The following SOX6 variants were observed in gnomAD, a reference collection of about 807,000 sequenced individuals.
SOX6 encodes the protein SRY-box transcription factor 6.
In SOX6, 11 loss-of-function variants were observed where a neutral mutation model predicts 97.8. The observed-to-expected ratio is 0.11, with a 90% CI of 0.07 to 0.19. The LOEUF (loss-of-function observed/expected upper bound fraction) is 0.19. Ranked by LOEUF, SOX6 falls within the 10% of genes least tolerant of loss-of-function variation. The pLI is 1.00. For missense variants in SOX6, 810 were observed against 1,039.5 expected (o/e 0.78, Z 3.04); for synonymous variants, 360 against 371.4 (o/e 0.97, Z 0.35).
chr11:16,232,186 G>T (rs1169930465), intron 4 of SOX6, among the ~76,000 whole-genome samples: 2 of 151,838 alleles, frequency 1.3e-5, no homozygotes, highest in Non-Finnish European at 2.9e-5. Flanking sequence ...AGTAATTTAG[G>T]TGGATAATAA....
At chr11:16,669,913 C>T (rs982453335) in intron 3 of SOX6, among the ~76,000 whole-genome samples, 1 of 152,134 alleles carries the variant, frequency 6.6e-6, no homozygotes. Context: ...AACTGCTCTG[C>T]CACTACAGTT....
chr11:15,987,612 C>T (rs978421760), intron 14 of SOX6, among the ~76,000 whole-genome samples: 3 of 151,648 alleles, frequency 2.0e-5, no homozygotes, highest in African/African-American at 2.4e-5. Context: ...AAGGCTTACT[C>T]ATATTGCTAC....
intron 3 of SOX6, among the ~76,000 whole-genome samples, chr11:16,642,099 CT>C (rs1364245502): frequency 6.6e-6 from 1 of 152,098 alleles, no homozygotes; most frequent in African/African-American, 2.4e-5. Flanking sequence ...TAGGGCAGGC[CT>C]GGTGGTGACA....
chr11:16,417,572 G>C (rs1484992035), intron 1 of SOX6, among the ~76,000 whole-genome samples: 2 of 152,076 alleles, frequency 1.3e-5, no homozygotes, highest in African/African-American at 4.8e-5. Context: ...ATGCGGCAGT[G>C]GGAAGTAAGA....
intron 4 of SOX6, among the ~76,000 whole-genome samples, chr11:16,608,607 A>G (rs919336652): frequency 6.6e-6 from 1 of 152,278 alleles, no homozygotes; most frequent in South Asian, 2.1e-4. Context: ...TTGAAAAAAA[A>G]AAAAGAAAAA....
At chr11:16,024,660 C>T (rs1441090640) in intron 12 of SOX6, among the ~76,000 whole-genome samples, 1 of 151,872 alleles carries the variant, frequency 6.6e-6, no homozygotes, top group Non-Finnish European at 1.5e-5. Flanking sequence ...TCTAGGAATG[C>T]TGATATATGC....
At position 16,069,954 on chromosome 11, in the gene SOX6, C is replaced by A. The variant is rs145896206; in HGVS notation, c.1102-14053G>T. Among the ~76,000 whole-genome samples the A allele has an allele frequency of 2.0e-5, 3 of 151,972 alleles. No homozygotes were observed. The East Asian group carries it at 5.8e-4, about 29-fold the overall frequency. On this transcript the variant is annotated intron_variant, in intron 9 of 15. Coordinates refer to ENST00000683767, the MANE Select transcript of SOX6 (RefSeq NM_001367873.1). ...GGTGGATCATGAGGTCAGGAGATCG[C>A]GACCATCCTTGCTAACACGTGAAAC...
chr11:16,075,480 A>G (rs1205157934), intron 9 of SOX6, among the ~76,000 whole-genome samples: 1 of 152,232 alleles, frequency 6.6e-6, no homozygotes, highest in African/African-American at 2.4e-5. Flanking sequence ...GTAGCCATAA[A>G]AAAGGATGAG....
At chr11:16,267,329 G>A (rs1005817248) in intron 3 of SOX6, among the ~76,000 whole-genome samples, 1 of 151,342 alleles carries the variant, frequency 6.6e-6, no homozygotes. Context: ...ATATAAAGAA[G>A]TCAAACAACT....
At chr11:16,411,199 C>A (rs1034950377) in intron 1 of SOX6, among the ~76,000 whole-genome samples, 1 of 152,088 alleles carries the variant, frequency 6.6e-6, no homozygotes, top group Non-Finnish European at 1.5e-5. Context: ...GAAACTCCAC[C>A]TGTATAACTA....
At chr11:16,549,734 A>T (rs1847661452) in intron 4 of SOX6, among the ~76,000 whole-genome samples, 1 of 152,224 alleles carries the variant, frequency 6.6e-6, no homozygotes, top group Non-Finnish European at 1.5e-5. Flanking sequence ...ATTGTCACAC[A>T]TCCATATATT....
intron 3 of SOX6, among the ~76,000 whole-genome samples, chr11:16,649,783 T>C (rs752715879): frequency 1.3e-5 from 2 of 151,764 alleles, no homozygotes; most frequent in Non-Finnish European, 2.9e-5. Flanking sequence ...ATCTCAATAC[T>C]AATGTTGAAG....
At chr11:16,214,763 T>G (rs1852324773) in intron 4 of SOX6, among the ~76,000 whole-genome samples, 1 of 151,056 alleles carries the variant, frequency 6.6e-6, no homozygotes, top group South Asian at 2.1e-4. Flanking sequence ...TTTTTTTTTT[T>G]TTTTGAGACG....
At chr11:16,664,653 C>G (rs1847791735) in intron 3 of SOX6, among the ~76,000 whole-genome samples, 2 of 152,060 alleles carry the variant, frequency 1.3e-5, no homozygotes, top group Non-Finnish European at 2.9e-5. Flanking sequence ...TGTCCTGGTG[C>G]TGTACTGGAC....
chr11:16,206,743 A>C (rs1852081979), intron 4 of SOX6, among the ~76,000 whole-genome samples: 1 of 152,196 alleles, frequency 6.6e-6, no homozygotes, highest in African/African-American at 2.4e-5. Context: ...ATGAAGAACA[A>C]AAGTAGCGTA....
intron 4 of SOX6, among the ~76,000 whole-genome samples, chr11:16,601,412 A>G (rs1385966306): frequency 6.6e-6 from 1 of 152,144 alleles, no homozygotes; most frequent in East Asian, 1.9e-4. Context: ...ATTGATATAT[A>G]TGCATCCCTA....
chr11:16,694,243 T>C (rs2352662), intron 3 of SOX6, among the ~76,000 whole-genome samples: 1,689 of 152,308 alleles, frequency 0.011, 24 homozygotes, highest in African/African-American at 0.038. Flanking sequence ...AAGGTACTTC[T>C]GGAGCCAGGC....
chr11:16,617,127 AT>A (rs1351433307), intron 3 of SOX6, among the ~76,000 whole-genome samples: 3 of 151,914 alleles, frequency 2.0e-5, no homozygotes, highest in African/African-American at 7.2e-5. Flanking sequence ...GATGTTTGCT[AT>A]TATATAAATA....
chr11:16,395,350 G>C (rs538597422), intron 1 of SOX6, among the ~76,000 whole-genome samples: 1 of 151,838 alleles, frequency 6.6e-6, no homozygotes, highest in South Asian at 2.1e-4. Context: ...GTTTGCATTG[G>C]AAGGAGCAAG....
Sources: allele counts gnomAD v4.1 joint callset (sites outside exome capture counted in the v4.1 genomes callset), GRCh38; gene constraint gnomAD v4.1.1; transcripts MANE v1.5; gene names NCBI Gene and HGNC (gene_info 2026-07-23, HGNC 2026-07-21).